The following SAMD12 variants were observed in gnomAD, a reference collection of about 807,000 sequenced individuals.
SAMD12 encodes the protein sterile alpha motif domain-containing protein 12.
SAMD12 carries 9 observed loss-of-function variants against 15.0 expected under a neutral mutation model. The observed-to-expected ratio is 0.60, with a 90% CI of 0.36 to 1.05. The LOEUF is 1.05. Ranked by LOEUF, SAMD12 falls within the 50% of genes least tolerant of loss-of-function variation. SAMD12 has a pLI of 0.01. For missense variants in SAMD12, 230 were observed against 234.2 expected (o/e 0.98, Z 0.12); for synonymous variants, 86 against 90.1 (o/e 0.96, Z 0.25).
At chr8:118,297,556 C>T (rs1005541276) in intron 4 of SAMD12, among the ~76,000 whole-genome samples, 7 of 152,002 alleles carry the variant, frequency 4.6e-5, no homozygotes, top group African/African-American at 7.2e-5. Flanking sequence ...AAAAACAATT[C>T]GACATTATTA....
intron 3 of SAMD12, among the ~76,000 whole-genome samples, chr8:118,388,435 T>G (rs1210395408): frequency 6.6e-6 from 1 of 152,154 alleles, no homozygotes; most frequent in African/African-American, 2.4e-5. Context: ...GAGAGCGGCT[T>G]TTTTCTCACC....
intron 2 of SAMD12, among the ~76,000 whole-genome samples, chr8:118,449,123 C>T (rs924597782): frequency 3.4e-5 from 5 of 148,756 alleles, no homozygotes; most frequent in African/African-American, 7.5e-5. Flanking sequence ...AGTGCAATGG[C>T]GTGATCTCTG....
chr8:118,180,624 G>A, the SAMD12 span, among the ~76,000 whole-genome samples: 1 of 152,038 alleles, frequency 6.6e-6, no homozygotes, highest in African/African-American at 2.4e-5. Context: ...CCAGGTTGGA[G>A]TGCAGTGGTG....
At chr8:118,286,080 C>T (rs781766384) in intron 4 of SAMD12, among the ~76,000 whole-genome samples, 3 of 150,744 alleles carry the variant, frequency 2.0e-5, no homozygotes, top group Admixed American at 6.7e-5. Context: ...AAAAGCCAAA[C>T]ACTGCATGTT....
At chr8:118,548,789 C>T (rs1466789133) in intron 2 of SAMD12, among the ~76,000 whole-genome samples, 1 of 152,226 alleles carries the variant, frequency 6.6e-6, no homozygotes, top group Non-Finnish European at 1.5e-5. Context: ...AAAGGGGTGA[C>T]AGACGGCACC....
intron 1 of SAMD12, among the ~76,000 whole-genome samples, chr8:118,597,586 C>G (rs891784504): frequency 6.6e-6 from 1 of 152,206 alleles, no homozygotes; most frequent in Non-Finnish European, 1.5e-5. Context: ...GCCCTGCAGG[C>G]AGCAGAACTG....
chr8:118,378,924 C>T lies in SAMD12; in HGVS notation c.*493G>A. ...CCTGTTAAGAATTATATACTCTTAACAGTGTAGTTTTAGATTCACTATAGT... is the reference window on the plus strand; with the variant it reads ...CCTGTTAAGAATTATATACTCTTAATAGTGTAGTTTTAGATTCACTATAGT... On this transcript the variant is annotated 3_prime_UTR_variant, in exon 4 of 4. Coordinates refer to ENST00000314727, the MANE Select transcript of SAMD12 (RefSeq NM_207506.3). 1.1e-6 allele frequency: 1 copy of T among 945,298 alleles called. No homozygotes were observed. Among genetic ancestry groups the T allele is most frequent in the Non-Finnish European group, 1.3e-6 (1 of 792,236 alleles). The allele number at this position is 945,298 out of a possible 1,614,324, so 58.6% of individuals were successfully genotyped here. A position where few individuals can be genotyped will look rare whatever the true frequency, so the allele number is the denominator to read the frequency against.
At chr8:118,449,269 G>C (rs1356595125) in intron 2 of SAMD12, among the ~76,000 whole-genome samples, 1 of 151,790 alleles carries the variant, frequency 6.6e-6, no homozygotes, top group Non-Finnish European at 1.5e-5. Flanking sequence ...CTCCATGTTG[G>C]CTAGGCTGGT....
chr8:118,187,000 G>A (rs532529140), downstream of SAMD12, among the ~76,000 whole-genome samples: 9 of 152,246 alleles, frequency 5.9e-5, no homozygotes, highest in African/African-American at 2.2e-4. Flanking sequence ...CAATGCTTTC[G>A]TATGCATTCT....
At position 118,580,720 on chromosome 8, in the gene SAMD12, C is replaced by G; in HGVS notation, c.187G>C (p.Ala63Pro). Residue 63 changes from alanine (A) to proline (P), a missense_variant, in exon 2 of 4, where the codon GCT (alanine) becomes CCT (proline). Transcript: ENST00000314727. ...TTAACTGGAATATTACGCACCTTAGCCGTCTCAGCTTCTGCCTGCAGTCGC... is the reference window on the plus strand; with the variant it reads ...TTAACTGGAATATTACGCACCTTAGGCGTCTCAGCTTCTGCCTGCAGTCGC... ...PKRLQAEAET[A>P]KSATVKLSKP... The G allele has an allele frequency of 1.9e-6, 3 of 1,611,640 alleles. No individual in the cohort carries two copies. Among genetic ancestry groups the G allele is most frequent in the Non-Finnish European group, 2.5e-6 (3 of 1,178,232 alleles).
At chr8:118,399,800 C>G (rs1820779937) in intron 3 of SAMD12, among the ~76,000 whole-genome samples, 1 of 152,120 alleles carries the variant, frequency 6.6e-6, no homozygotes. Context: ...TCAAGGGGTA[C>G]CCAATCGATT....
chr8:118,411,837 T>C (rs1821422507), intron 3 of SAMD12, among the ~76,000 whole-genome samples: 1 of 152,186 alleles, frequency 6.6e-6, no homozygotes. Context: ...AAACAGAGGC[T>C]ATTTCTTGTG....
intron 4 of SAMD12, among the ~76,000 whole-genome samples, chr8:118,321,144 A>AATAAATAAATAAATATATATAT (rs57107358): frequency 1.1e-5 from 1 of 94,508 alleles, no homozygotes; most frequent in African/African-American, 4.1e-5. Flanking sequence ...ATAGATAATA[A>AATAAATAAATAAATATATATAT]ATATATATAT....
chr8:118,576,839 G>A (rs1228091988), intron 2 of SAMD12, among the ~76,000 whole-genome samples: 2 of 152,168 alleles, frequency 1.3e-5, no homozygotes, highest in African/African-American at 2.4e-5. Context: ...ATCCTCATCT[G>A]GACTCTCAAC....
At chr8:118,524,803 C>T (rs1446689633) in intron 2 of SAMD12, among the ~76,000 whole-genome samples, 1 of 152,106 alleles carries the variant, frequency 6.6e-6, no homozygotes, top group African/African-American at 2.4e-5. Flanking sequence ...AAAAATGCTA[C>T]TGTATCTTCA....
At position 118,543,432 on chromosome 8, in the gene SAMD12, G is replaced by T. The variant is rs549174479; in HGVS notation, c.192+37283C>A. On this transcript the variant is annotated intron_variant, in intron 2 of 3. Coordinates refer to ENST00000314727, the MANE Select transcript of SAMD12 (RefSeq NM_207506.3). ...AAGCCTAAAGTGATCAAACAAAAAC[G>T]CACCTTTTAAAGCCAGCTTTTCTTT... Among the ~76,000 whole-genome samples the T allele has an allele frequency of 1.3e-4, 20 of 152,110 alleles. No individual in the cohort carries two copies. The South Asian group carries it at 3.9e-3, about 30-fold the overall frequency.
chr8:118,262,860 A>G (rs1428582059), intron 4 of SAMD12, among the ~76,000 whole-genome samples: 1 of 152,134 alleles, frequency 6.6e-6, no homozygotes, highest in African/African-American at 2.4e-5. Context: ...CTCAGTTGTT[A>G]TGAGTATTTT....
intron 2 of SAMD12, among the ~76,000 whole-genome samples, chr8:118,548,167 C>T (rs1826185513): frequency 6.6e-6 from 1 of 152,160 alleles, no homozygotes; most frequent in Non-Finnish European, 1.5e-5. Flanking sequence ...CATGTTAGTG[C>T]TTTTGCTCTG....
chr8:118,331,389 A>T (rs1235018463), intron 4 of SAMD12, among the ~76,000 whole-genome samples: 1 of 152,212 alleles, frequency 6.6e-6, no homozygotes, highest in African/African-American at 2.4e-5. Flanking sequence ...CTTACTGAAA[A>T]TAGAAAAACA....
Sources: allele counts gnomAD v4.1 joint callset (sites outside exome capture counted in the v4.1 genomes callset), GRCh38; gene constraint gnomAD v4.1.1; transcripts MANE v1.5; gene names NCBI Gene and HGNC (gene_info 2026-07-23, HGNC 2026-07-21).